The following SFI1 variants were observed in gnomAD, a reference collection of about 807,000 sequenced individuals.
The protein encoded by SFI1 is protein SFI1 homolog.
A neutral mutation model predicts 207.5 loss-of-function variants in SFI1; 195 were observed. That is an observed-to-expected ratio of 0.94 (90% CI 0.84 to 1.06). The LOEUF (loss-of-function observed/expected upper bound fraction) is 1.06. SFI1 is among the 50% of genes least tolerant of loss of function. The pLI is 0.00. For missense variants in SFI1, 1,634 were observed against 1,588.0 expected (o/e 1.03, Z -0.49); for synonymous variants, 630 against 598.9 (o/e 1.05, Z -0.76).
At chr22:31,613,303 G>A in intron 25 of SFI1, 51 bp from the exon 26 acceptor site, 1 of 1,605,294 alleles carries the variant, frequency 6.2e-7, no homozygotes, top group South Asian at 1.1e-5. Context: ...CTGGTCTGTG[G>A]GGGAGCTCTA....
chr22:31,541,523 G>A (rs1319499362), intron 4 of SFI1, among the ~76,000 whole-genome samples: 6 of 151,824 alleles, frequency 4.0e-5, no homozygotes. Flanking sequence ...TTGGGAGGCC[G>A]TGGAAGTGGA....
chr22:31,532,755 G>C (rs2058643840), intron 4 of SFI1, among the ~76,000 whole-genome samples: 1 of 152,116 alleles, frequency 6.6e-6, no homozygotes, highest in Non-Finnish European at 1.5e-5. Flanking sequence ...GGTCCATTCT[G>C]CCCATGTGTG....
At chr22:31,598,664 G>A (rs1461775403) in intron 15 of SFI1, among the ~76,000 whole-genome samples, 5 of 128,188 alleles carry the variant, frequency 3.9e-5, no homozygotes, top group African/African-American at 1.2e-4. Context: ...TGATCCGCCC[G>A]CCTCGGCCTC....
At chr22:31,540,721 T>C (rs1008128398) in intron 4 of SFI1, among the ~76,000 whole-genome samples, 2 of 151,134 alleles carry the variant, frequency 1.3e-5, no homozygotes, top group Admixed American at 1.3e-4. Context: ...GCTGAGACCA[T>C]AGGCATGCGC....
rs1666167918 is a variant in SFI1 at position 31,606,747 on chromosome 22, A to G, written c.2157+317A>G. ...AGTCTCACTCTGTCACCCAGGCTAG[A>G]GTGCAGTGGTATCATCTCAGCTCAC... On this transcript the variant is annotated intron_variant, in intron 21 of 32. Transcript: ENST00000400288. The G allele has an allele frequency of 1.6e-5, 3 of 184,976 alleles. No homozygotes were observed. The South Asian group carries it at 2.5e-4, about 15-fold the overall frequency. 11.5% of individuals were successfully genotyped at this position (184,976 alleles called of 1,614,324 possible).
At chr22:31,596,636 C>A (rs1158170488) in intron 15 of SFI1, among the ~76,000 whole-genome samples, 1 of 151,790 alleles carries the variant, frequency 6.6e-6, no homozygotes, top group African/African-American at 2.4e-5. Context: ...ACTAAAAATA[C>A]AAAAATTGGC....
At chr22:31,531,151 A>AT (rs1569231191) in intron 4 of SFI1, 22 bp downstream of exon 4, 59 of 1,582,030 alleles carry the variant, frequency 3.7e-5, no homozygotes, top group Non-Finnish European at 5.1e-5. Context: ...TCAGAACAAC[A>AT]TAATTGTGTT....
chr22:31,499,859 G>A (rs2053412347), intron 1 of SFI1, among the ~76,000 whole-genome samples: 1 of 151,426 alleles, frequency 6.6e-6, no homozygotes. Context: ...ACGGTGGTAT[G>A]CGCCTGTAGT....
chr22:31,584,878 A>G (rs2064816805), intron 13 of SFI1, among the ~76,000 whole-genome samples, 190 bp from the exon 14 acceptor site: 1 of 152,168 alleles, frequency 6.6e-6, no homozygotes, highest in Non-Finnish European at 1.5e-5. Context: ...TAGGCAATCC[A>G]CAGTCCAAAA....
chr22:31,537,543 T>C (rs1668230841), intron 4 of SFI1, among the ~76,000 whole-genome samples: 1 of 152,200 alleles, frequency 6.6e-6, no homozygotes, highest in Non-Finnish European at 1.5e-5. Flanking sequence ...GAAAGAATAC[T>C]GGACTAGAAT....
chr22:31,583,472 T>A (rs1451890102), intron 12 of SFI1, among the ~76,000 whole-genome samples: 1 of 152,250 alleles, frequency 6.6e-6, no homozygotes, highest in Non-Finnish European at 1.5e-5. Flanking sequence ...TTTATATCAT[T>A]TAATTTTCCT....
chr22:31,579,613 C>T (rs1413760252), intron 11 of SFI1, among the ~76,000 whole-genome samples: 1 of 152,100 alleles, frequency 6.6e-6, no homozygotes. Context: ...CCACGCCCGG[C>T]CTAATTTTTT....
chr22:31,547,008 T>G, intron 5 of SFI1, 37 bp downstream of exon 5: 1 of 1,354,452 alleles, frequency 7.4e-7, no homozygotes, highest in South Asian at 1.3e-5. Context: ...GTTTTACTGA[T>G]GCACATTATC....
At chr22:31,496,944 C>T (rs779363821) in intron 1 of SFI1, among the ~76,000 whole-genome samples, 1 of 152,198 alleles carries the variant, frequency 6.6e-6, no homozygotes, top group African/African-American at 2.4e-5. Flanking sequence ...CGCTCCTGGC[C>T]GGTGCTCGAG....
chr22:31,520,917 T>A (rs1378032682), intron 2 of SFI1, among the ~76,000 whole-genome samples: 1 of 145,534 alleles, frequency 6.9e-6, no homozygotes, highest in Non-Finnish European at 1.5e-5. Context: ...AGTGGGAGGA[T>A]CACGTGAGCC....
chr22:31,543,676 G>T (rs569246213), intron 4 of SFI1, among the ~76,000 whole-genome samples: 1 of 152,012 alleles, frequency 6.6e-6, no homozygotes, highest in East Asian at 1.9e-4. Flanking sequence ...TGGGCATGGT[G>T]GCACACGCCT....
intron 15 of SFI1, among the ~76,000 whole-genome samples, chr22:31,598,879 C>T (rs2067638571): frequency 7.1e-6 from 1 of 140,072 alleles, no homozygotes; most frequent in Non-Finnish European, 1.6e-5. Flanking sequence ...CTGCAGCCTC[C>T]ACCTCCCAGG....
chr22:31,566,560 C>CT (rs1882248800), intron 8 of SFI1, among the ~76,000 whole-genome samples: 1 of 152,234 alleles, frequency 6.6e-6, no homozygotes, highest in Non-Finnish European at 1.5e-5. Context: ...AATTCTGCCT[C>CT]TATCACCTAT....
intron 1 of SFI1, among the ~76,000 whole-genome samples, chr22:31,498,205 G>A (rs775571047): frequency 6.6e-6 from 1 of 152,176 alleles, no homozygotes; most frequent in African/African-American, 2.4e-5. Context: ...TGAGGCAGGA[G>A]AATCACTTGA....
Sources: gnomAD v4.1 joint callset for allele counts (sites outside exome capture counted in the v4.1 genomes callset) on GRCh38, gnomAD v4.1.1 for gene constraint, MANE v1.5 for transcripts, NCBI Gene and HGNC (gene_info 2026-07-23, HGNC 2026-07-21) for gene names.